The following SMG9 variants were observed in gnomAD, a reference collection of about 807,000 sequenced individuals.
The protein encoded by SMG9 is SMG9 nonsense mediated mRNA decay factor, also known as nonsense-mediated mRNA decay factor SMG9.
SMG9 carries 55 observed loss-of-function variants against 64.0 expected under a neutral mutation model. The ratio of observed to expected loss-of-function variants is 0.86; its 90% CI spans 0.69 to 1.08. The LOEUF (loss-of-function observed/expected upper bound fraction) is 1.08, where lower values mean the gene tolerates loss of function less well. SMG9 is among the 50% of genes least tolerant of loss of function. The pLI is 0.00. For synonymous variants in SMG9, 244 were observed against 254.8 expected (o/e 0.96, Z 0.41); for missense variants, 554 against 681.3 (o/e 0.81, Z 2.08).
intron 2 of SMG9, chr19:43,750,357 G>C (rs1969158139): frequency 1.4e-6 from 1 of 699,886 alleles, no homozygotes; most frequent in Non-Finnish European, 2.6e-6. Flanking sequence ...ATGCTGGCAT[G>C]GCTTATTCTC....
intron 6 of SMG9, among the ~76,000 whole-genome samples, chr19:43,740,973 G>A (rs1006242365): frequency 3.9e-5 from 6 of 152,124 alleles, no homozygotes; most frequent in African/African-American, 4.8e-5. Context: ...CCTCTCAAGG[G>A]GTAATTTCTA....
At position 43,749,019 on chromosome 19, in the gene SMG9, C is replaced by A. The variant is rs564604584; in HGVS notation, c.151-967G>T. Among the ~76,000 whole-genome samples the A allele has an allele frequency of 1.7e-4, 26 of 152,200 alleles. No individual in the cohort carries two copies. In the South Asian group the frequency reaches 5.4e-3, roughly 32 times the overall value. The stretch of plus-strand genomic sequence containing the variant: ...GTTCTGAATTTGGGATTTTTTTGAA[C>A]TTTGGAATATTTGCATATTTACTGG... On this transcript the variant is annotated intron_variant, in intron 2 of 13. Coordinates refer to ENST00000270066, the MANE Select transcript of SMG9 (RefSeq NM_019108.4).
rs1288901425 is a variant in SMG9 at position 43,732,935 on chromosome 19, C to T, written c.1407G>A (p.Leu469=). The T allele has an allele frequency of 6.2e-7, 1 of 1,613,770 alleles. No homozygotes were observed. Among genetic ancestry groups the T allele is most frequent in the African/African-American group, 1.3e-5 (1 of 74,850 alleles). ...TCACTTGGCTCCGGAGCTTGCTCAC[C>T]AAGGACTGGAAACTGGGGTGGCCAC... ...GYRGHPSFQS[L]VSKLRSQVMS... The change falls in exon 13 of 14, where the codon TTG becomes TTA. Residue 469 remains leucine (L), a synonymous_variant. Coordinates refer to ENST00000270066, the MANE Select transcript of SMG9 (RefSeq NM_019108.4).
Position 43,730,592 on chromosome 19 carries a change from C to T in SMG9, c.*1004G>A, listed in dbSNP as rs1968449059. Reference sequence around the variant, plus strand: ...TTTTTTTTTTTTTGAGACGGAGTCTCGCTCTGTTGCCCAAGCTGGAGAGTG... The same window carrying T: ...TTTTTTTTTTTTTGAGACGGAGTCTTGCTCTGTTGCCCAAGCTGGAGAGTG... On this transcript the variant is annotated 3_prime_UTR_variant, in exon 14 of 14. Coordinates refer to ENST00000270066, the MANE Select transcript of SMG9 (RefSeq NM_019108.4). 1 of 150,022 alleles carries T rather than the reference C, an allele frequency of 6.7e-6. No individual in the cohort carries two copies. The allele number at this position is 150,022 out of a possible 1,614,324, so 9.3% of individuals were successfully genotyped here. A position where few individuals can be genotyped will look rare whatever the true frequency, so the allele number is the denominator to read the frequency against.
intron 6 of SMG9, among the ~76,000 whole-genome samples, chr19:43,743,725 G>T (rs913374213): frequency 1.3e-5 from 2 of 152,246 alleles, no homozygotes; most frequent in African/African-American, 4.8e-5. Context: ...GAGCCTGGGA[G>T]GTAGAGGATG....
Position 43,728,758 on chromosome 19 carries a change from C to T in SMG9, c.*2838G>A, listed in dbSNP as rs966999984. ...TGCGCTCATGACAGGCGCTTGAGCC[C>T]AGGCAGCTGCCAGCACAACATGGCC... is the stretch of plus-strand genomic sequence containing the variant. On this transcript the variant is annotated 3_prime_UTR_variant, in exon 14 of 14. Coordinates refer to ENST00000270066, the MANE Select transcript of SMG9 (RefSeq NM_019108.4). 10 of 155,868 alleles carry T rather than the reference C, an allele frequency of 6.4e-5. No homozygotes were observed. The highest frequency in any genetic ancestry group is 3.3e-3 in the Middle Eastern group (1 of 300). The allele number at this position is 155,868 out of a possible 1,614,324, so 9.7% of individuals were successfully genotyped here.
chr19:43,743,672 T>C (rs1484637592), intron 6 of SMG9, among the ~76,000 whole-genome samples: 1 of 152,088 alleles, frequency 6.6e-6, no homozygotes, highest in Non-Finnish European at 1.5e-5. Context: ...GGCATGCCCC[T>C]GTAGTCCCAG....
intron 13 of SMG9, among the ~76,000 whole-genome samples, chr19:43,732,041 C>T (rs1968502584): frequency 6.6e-6 from 1 of 152,208 alleles, no homozygotes; most frequent in Admixed American, 6.5e-5. Context: ...CTGCACAACC[C>T]ACAATCTTCT....
chr19:43,743,276 T>G (rs772010738), intron 6 of SMG9, among the ~76,000 whole-genome samples: 19 of 152,180 alleles, frequency 1.2e-4, no homozygotes, highest in Non-Finnish European at 2.2e-4. Context: ...GAAAGAATGT[T>G]ATCTAAGACC....
At chr19:43,739,428 G>A (rs1049451848) in intron 7 of SMG9, among the ~76,000 whole-genome samples, 20 of 152,278 alleles carry the variant, frequency 1.3e-4, no homozygotes, top group African/African-American at 3.4e-4. Context: ...CAATTCGTTG[G>A]TGGTTTCAGG....
In SMG9 at chr19:43,747,908, A is replaced by G. The variant is rs200822377; in HGVS notation, c.226-11T>C. The G allele has an allele frequency of 3.1e-4, 503 of 1,612,260 alleles. 3 individuals carry two copies. In the East Asian group the frequency reaches 0.011, roughly 34 times the overall value. On this transcript the variant is annotated splice_polypyrimidine_tract_variant and intron_variant, in intron 3 of 13. Coordinates refer to ENST00000270066, the MANE Select transcript of SMG9 (RefSeq NM_019108.4). ...TGGTGGCTGTTTTGACTACGGAGGT[A>G]AAAAAAATCCCATCAATGGGGGCAA...
chr19:43,748,332 G>A (rs542938696), intron 2 of SMG9, among the ~76,000 whole-genome samples: 1 of 152,352 alleles, frequency 6.6e-6, no homozygotes, highest in Admixed American at 6.5e-5. Context: ...AACAAGCCCA[G>A]GAGGAAAGGA....
rs759811112 is a variant in SMG9, at chr19:43,737,582, C to A, written c.995+15G>T. On this transcript the variant is annotated intron_variant, in intron 9 of 13. Coordinates refer to ENST00000270066, the MANE Select transcript of SMG9 (RefSeq NM_019108.4). ...TCATTCCTCCTCCCCACCCTCCAAC[C>A]CCTCAGCTCCTCACCTGTAGAGACT... The A allele has an allele frequency of 3.1e-6, 5 of 1,609,726 alleles. No individual in the cohort carries two copies. Among genetic ancestry groups the A allele is most frequent in the Non-Finnish European group, 4.2e-6 (5 of 1,177,530 alleles).
At chr19:43,745,945 G>A (rs572996621) in intron 5 of SMG9, among the ~76,000 whole-genome samples, 77 of 152,228 alleles carry the variant, frequency 5.1e-4, no homozygotes, top group African/African-American at 1.7e-3. Flanking sequence ...GGGTTGCGGT[G>A]AGCCGAGATC....
chr19:43,729,801 C>T lies in SMG9; in HGVS notation c.*1795G>A, dbSNP rs906310342. ...GACAGTGGGGCAAAGGATTTAGAAG[C>T]ATTTCGGTAAAAGGGCAGTGAATGT... On this transcript the variant is annotated 3_prime_UTR_variant, in exon 14 of 14. Transcript: ENST00000270066. 9 of 152,298 alleles carry T rather than the reference C, an allele frequency of 5.9e-5. No homozygotes were observed. The highest frequency in any genetic ancestry group is 2.2e-4 in the African/African-American group (9 of 41,442). The allele number at this position is 152,298 out of a possible 1,614,324, so 9.4% of individuals were successfully genotyped here.
chr19:43,749,863 G>A (rs1407043727), intron 2 of SMG9, among the ~76,000 whole-genome samples: 1 of 152,196 alleles, frequency 6.6e-6, no homozygotes, highest in East Asian at 1.9e-4. Flanking sequence ...CTGAGTCCTG[G>A]ACCCAAAGTT....
chr19:43,754,405 G>A (rs1327567020), intron 1 of SMG9: 1 of 152,244 alleles, frequency 6.6e-6, no homozygotes, highest in Admixed American at 6.5e-5. Context: ...CCCAGTACTT[G>A]ACGGGCAGTT....
chr19:43,728,705 G>A lies in SMG9; in HGVS notation c.*2891C>T, dbSNP rs1196747859. The A allele has an allele frequency of 6.6e-6, 1 of 152,356 alleles. No individual in the cohort carries two copies. The highest frequency in any genetic ancestry group is 2.4e-5 in the African/African-American group (1 of 41,478). 9.4% of individuals were successfully genotyped at this position (152,356 alleles called of 1,614,324 possible). On this transcript the variant is annotated 3_prime_UTR_variant, in exon 14 of 14. Coordinates refer to ENST00000270066, the MANE Select transcript of SMG9 (RefSeq NM_019108.4). ...GGATCTGAACATAGGCAGCCTGGCT[G>A]CAGGGCTGACATTCTTAGGCCAAGT... is the stretch of plus-strand genomic sequence containing the variant.
intron 5 of SMG9, among the ~76,000 whole-genome samples, chr19:43,746,783 A>G (rs1969024368): frequency 1.3e-5 from 2 of 151,394 alleles, no homozygotes; most frequent in African/African-American, 4.9e-5. Context: ...GTGACATTCA[A>G]AACAGTTGAC....
Sources: gnomAD v4.1 joint callset for allele counts (sites outside exome capture counted in the v4.1 genomes callset) on GRCh38, gnomAD v4.1.1 for gene constraint, MANE v1.5 for transcripts, NCBI Gene and HGNC (gene_info 2026-07-23, HGNC 2026-07-21) for gene names.